The following SNX29 variants were observed in gnomAD, a reference collection of about 807,000 sequenced individuals.
SNX29 encodes the protein sorting nexin 29.
Under a neutral mutation model 102.1 loss-of-function variants are expected in SNX29, and 78 were observed. The ratio of observed to expected loss-of-function variants is 0.76; its 90% confidence interval spans 0.64 to 0.92. The LOEUF (loss-of-function observed/expected upper bound fraction) is 0.92, where lower values mean the gene tolerates loss of function less well. Ranked by LOEUF, SNX29 falls within the 40% of genes least tolerant of loss-of-function variation. SNX29 has a pLI of 0.00. For missense variants in SNX29, 1,280 were observed against 1,061.7 expected, an observed-to-expected ratio of 1.21 and a Z score of -2.86; for synonymous variants, 580 against 414.5, an observed-to-expected ratio of 1.40 and a Z score of -4.85.
intron 15 of SNX29, among the ~76,000 whole-genome samples, chr16:12,285,057 C>A (rs2079548398): frequency 6.6e-6 from 1 of 152,198 alleles, no homozygotes; most frequent in South Asian, 2.1e-4. Flanking sequence ...CCTGATTTCC[C>A]CACTTTTCTG....
intron 7 of SNX29, among the ~76,000 whole-genome samples, chr16:12,049,445 G>T (rs1011505077): frequency 2.6e-5 from 4 of 151,422 alleles, no homozygotes; most frequent in African/African-American, 9.7e-5. Flanking sequence ...CAATTCTCCT[G>T]CCTCAACCTT....
At chr16:12,561,459 C>T (rs927332001) in intron 20 of SNX29, among the ~76,000 whole-genome samples, 2 of 152,142 alleles carry the variant, frequency 1.3e-5, no homozygotes, top group African/African-American at 4.8e-5. Flanking sequence ...TCAAAGGCAG[C>T]TCCTAGTAAG....
chr16:12,042,351 C>T (rs1596671762), intron 4 of SNX29, among the ~76,000 whole-genome samples: 1 of 152,200 alleles, frequency 6.6e-6, no homozygotes, highest in African/African-American at 2.4e-5. Context: ...TTAGATTCAG[C>T]GGGTACATGT....
intron 14 of SNX29, among the ~76,000 whole-genome samples, chr16:12,260,066 C>T (rs578196461): frequency 5.9e-5 from 9 of 152,350 alleles, no homozygotes; most frequent in Admixed American, 4.6e-4. Flanking sequence ...AGGCACTTCT[C>T]TGTGACCCCT....
chr16:12,139,738 G>T (rs1367819176), intron 13 of SNX29, among the ~76,000 whole-genome samples: 1 of 152,050 alleles, frequency 6.6e-6, no homozygotes, highest in African/African-American at 2.4e-5. Context: ...TATAATCCCA[G>T]TCCTTTGGGA....
intron 20 of SNX29, chr16:12,557,796 G>A (rs1020493688): frequency 3.9e-5 from 6 of 152,166 alleles, no homozygotes; most frequent in Non-Finnish European, 2.9e-5. Flanking sequence ...GATCTTACAG[G>A]ATCACTATCA....
At chr16:12,119,456 C>G (rs1596961663) in intron 11 of SNX29, among the ~76,000 whole-genome samples, 1 of 152,314 alleles carries the variant, frequency 6.6e-6, no homozygotes, top group Middle Eastern at 3.4e-3. Context: ...GGTTTTTCTT[C>G]TGTACCTTGT....
At chr16:12,157,170 A>T (rs2055587661) in intron 13 of SNX29, among the ~76,000 whole-genome samples, 4 of 152,062 alleles carry the variant, frequency 2.6e-5, no homozygotes, top group Admixed American at 2.6e-4. Context: ...CCTCGGAAGG[A>T]TGGGGCATTC....
At chr16:12,138,457 C>G (rs369200948) in intron 13 of SNX29, among the ~76,000 whole-genome samples, 20 of 152,244 alleles carry the variant, frequency 1.3e-4, no homozygotes, top group African/African-American at 4.6e-4. Context: ...ATCTGCCTGC[C>G]TTGGCCTCCT....
chr16:12,042,837 C>A, intron 4 of SNX29, 60 bp from the exon 5 acceptor site: 1 of 1,525,940 alleles, frequency 6.6e-7, no homozygotes, highest in Non-Finnish European at 8.9e-7. Context: ...TTTGTGTGTT[C>A]CTCTCCCAGT....
At chr16:12,121,784 G>A (rs117124077) in intron 11 of SNX29, among the ~76,000 whole-genome samples, 2,514 of 152,236 alleles carry the variant, frequency 0.017, 29 homozygotes, top group Admixed American at 0.021. Flanking sequence ...TTAAGGGTGG[G>A]TTTGTTTATT....
chr16:12,125,979 AT>A, intron 11 of SNX29, among the ~76,000 whole-genome samples: 1 of 152,064 alleles, frequency 6.6e-6, no homozygotes, highest in Non-Finnish European at 1.5e-5. Flanking sequence ...TCTGGGGCTG[AT>A]TTCCCATATT....
At chr16:12,423,183 A>C (rs1365249801) in intron 18 of SNX29, among the ~76,000 whole-genome samples, 1 of 151,430 alleles carries the variant, frequency 6.6e-6, no homozygotes, top group Non-Finnish European at 1.5e-5. Context: ...TTTACTCACC[A>C]ATGCATGGGG....
intron 4 of SNX29, among the ~76,000 whole-genome samples, chr16:12,037,574 C>T (rs2057511443): frequency 6.6e-6 from 1 of 152,134 alleles, no homozygotes; most frequent in Non-Finnish European, 1.5e-5. Flanking sequence ...CTGTCCACCC[C>T]TGCAGTAGGG....
chr16:12,399,135 C>G (rs2083839458), intron 17 of SNX29, among the ~76,000 whole-genome samples: 1 of 152,214 alleles, frequency 6.6e-6, no homozygotes, highest in Non-Finnish European at 1.5e-5. Flanking sequence ...ATTGCACCCT[C>G]CGCCTACCGG....
chr16:12,310,210 T>TG (rs1019439067), intron 15 of SNX29, among the ~76,000 whole-genome samples: 1 of 152,228 alleles, frequency 6.6e-6, no homozygotes, highest in Admixed American at 6.5e-5. Flanking sequence ...AGATCATACA[T>TG]GCATTGCATT....
chr16:12,545,518 G>C (rs905182315), intron 20 of SNX29: 4 of 152,226 alleles, frequency 2.6e-5, no homozygotes, highest in African/African-American at 4.8e-5. Flanking sequence ...CTGTCAGAGT[G>C]GGTGACCAGG....
chr16:12,320,258 G>A (rs1223525077), intron 15 of SNX29, among the ~76,000 whole-genome samples: 1 of 152,258 alleles, frequency 6.6e-6, no homozygotes, highest in East Asian at 1.9e-4. Context: ...TTGGGCAGGA[G>A]CATAGCAGGC....
At position 12,098,640 on chromosome 16, in the gene SNX29, G is replaced by A. The variant is rs897504943; in HGVS notation, c.1402+19725G>A. Among the ~76,000 whole-genome samples, 1 of 152,190 alleles carries A rather than the reference G, an allele frequency of 6.6e-6. No individual in the cohort carries two copies. ...CCTCCCCTCTCCTCCTCTTTTGCCT[G>A]GGTCGTGCTTATTCATCCTGTAAGA... is the stretch of plus-strand genomic sequence containing the variant. On this transcript the variant is annotated intron_variant, in intron 11 of 20. Transcript: ENST00000566228. This position sits in a 1 kb window ranked among gnomAD's most constrained non-coding sequence, Gnocchi z 6.0.
Sources: allele counts gnomAD v4.1 joint callset (sites outside exome capture counted in the v4.1 genomes callset), GRCh38; gene constraint gnomAD v4.1.1; non-coding constraint Gnocchi (gnomAD v3.1); transcripts MANE v1.5; gene names NCBI Gene and HGNC (gene_info 2026-07-23, HGNC 2026-07-21).